The following TMEM132C variants were observed in gnomAD, a reference collection of about 807,000 sequenced individuals.
TMEM132C encodes the protein protein phosphatase 1, regulatory subunit 152.
TMEM132C carries 29 observed loss-of-function variants against 61.4 expected under a neutral mutation model. The observed-to-expected ratio is 0.47, with a 90% CI of 0.35 to 0.64. The LOEUF (loss-of-function observed/expected upper bound fraction) is 0.64. Ranked by LOEUF, TMEM132C falls within the 30% of genes least tolerant of loss-of-function variation. The pLI, the probability that TMEM132C is intolerant of heterozygous loss-of-function variation, is 0.00. For missense variants in TMEM132C, 1,408 were observed against 1,476.9 expected (o/e 0.95, Z 0.76); for synonymous variants, 656 against 633.1 (o/e 1.04, Z -0.54).
chr12:128,317,809 T>C (rs1278195342), intron 1 of TMEM132C, among the ~76,000 whole-genome samples: 1 of 152,198 alleles, frequency 6.6e-6, no homozygotes, highest in Non-Finnish European at 1.5e-5. Flanking sequence ...GGCTTGAACC[T>C]GGGAGGCAGA....
In TMEM132C at chr12:128,616,281, G is replaced by T; in HGVS notation, c.1251G>T (p.Val417=). 1 of 1,551,904 alleles carries T rather than the reference G, an allele frequency of 6.4e-7. No individual in the cohort carries two copies. Among genetic ancestry groups the T allele is most frequent in the Non-Finnish European group, 8.7e-7 (1 of 1,147,028 alleles). The part of the protein sequence containing the change: ...YPRKGTTDIA[V]SEIFVSQKDL... ...GGAAGGGGACCACAGACATCGCCGT[G>T]TCCGAGATCTTTGTCAGCCAGAAGG... The change falls in exon 4 of 9, where the codon GTG becomes GTT. Residue 417 remains valine, a synonymous_variant. Coordinates refer to ENST00000435159, the MANE Select transcript of TMEM132C (RefSeq NM_001136103.3).
intron 7 of TMEM132C, 98 bp downstream of exon 7, chr12:128,696,201 A>G (rs1160274654): frequency 1.4e-6 from 2 of 1,433,978 alleles, no homozygotes; most frequent in Non-Finnish European, 1.9e-6. Context: ...CGATTCCCCA[A>G]CCCATGTGTA....
chr12:128,395,573 A>C (rs1304357956), intron 1 of TMEM132C, among the ~76,000 whole-genome samples: 2 of 152,196 alleles, frequency 1.3e-5, no homozygotes, highest in East Asian at 3.9e-4. Flanking sequence ...CCTGCCTTAA[A>C]CGTGTTCAGA....
intron 1 of TMEM132C, among the ~76,000 whole-genome samples, chr12:128,315,016 A>C (rs1872102781): frequency 6.6e-6 from 1 of 152,236 alleles, no homozygotes; most frequent in South Asian, 2.1e-4. Flanking sequence ...GATTATTGAA[A>C]AACATTAAAG....
intron 2 of TMEM132C, among the ~76,000 whole-genome samples, chr12:128,459,002 T>C (rs1363264310): frequency 6.6e-6 from 1 of 152,146 alleles, no homozygotes. Flanking sequence ...AAATTGAGGG[T>C]AAATCATTGA....
chr12:128,469,255 CAG>C (rs1870849697), intron 2 of TMEM132C, among the ~76,000 whole-genome samples: 1 of 151,662 alleles, frequency 6.6e-6, no homozygotes. Flanking sequence ...TGATCATGCA[CAG>C]AGACACATTT....
intron 2 of TMEM132C, among the ~76,000 whole-genome samples, chr12:128,542,338 C>T (rs1232660749): frequency 6.6e-6 from 1 of 152,104 alleles, no homozygotes; most frequent in Non-Finnish European, 1.5e-5. Flanking sequence ...TGGAGCCTTG[C>T]TCTGTTGCCC....
chr12:128,682,111 G>T (rs1023830630), intron 5 of TMEM132C, among the ~76,000 whole-genome samples: 2 of 152,178 alleles, frequency 1.3e-5, no homozygotes, highest in Admixed American at 6.5e-5. Flanking sequence ...AATTGCTGTG[G>T]CTAGGAATGA....
chr12:128,476,337 A>C (rs889748487), intron 2 of TMEM132C, among the ~76,000 whole-genome samples: 14 of 152,232 alleles, frequency 9.2e-5, no homozygotes, highest in Non-Finnish European at 2.1e-4. Context: ...ACAGAGAGAA[A>C]GGCTGGGGAG....
At chr12:128,298,780 G>A (rs937506361) in intron 1 of TMEM132C, among the ~76,000 whole-genome samples, 2 of 152,214 alleles carry the variant, frequency 1.3e-5, no homozygotes, top group Non-Finnish European at 2.9e-5. Context: ...TGCCTTCTTT[G>A]GGGGAATGTT....
intron 6 of TMEM132C, among the ~76,000 whole-genome samples, chr12:128,695,005 G>T (rs1353789251): frequency 6.6e-6 from 1 of 152,164 alleles, no homozygotes; most frequent in African/African-American, 2.4e-5. Flanking sequence ...GCCTCATAGT[G>T]TTATGAGGTT....
At chr12:128,624,501 G>A in intron 4 of TMEM132C, among the ~76,000 whole-genome samples, 1 of 138,442 alleles carries the variant, frequency 7.2e-6, no homozygotes. Flanking sequence ...CCGAGATCGT[G>A]CCATTGCACT....
At chr12:128,394,573 C>G (rs959613522) in intron 1 of TMEM132C, among the ~76,000 whole-genome samples, 1 of 152,356 alleles carries the variant, frequency 6.6e-6, no homozygotes, top group African/African-American at 2.4e-5. Context: ...TTTCCTTCAG[C>G]CCAACATCTA....
chr12:128,321,375 A>C (rs1872328891), intron 1 of TMEM132C, among the ~76,000 whole-genome samples: 1 of 152,158 alleles, frequency 6.6e-6, no homozygotes, highest in Non-Finnish European at 1.5e-5. Context: ...CAAGAAGCCA[A>C]CGTCAGAAGG....
At chr12:128,539,081 G>A (rs11059749) in intron 2 of TMEM132C, among the ~76,000 whole-genome samples, 81,299 of 151,920 alleles carry the variant, frequency 0.54, 22,591 homozygotes, top group Middle Eastern at 0.61. Context: ...TGAACATCAT[G>A]TTTATTAAGA....
At chr12:128,682,224 C>G (rs943911782) in intron 5 of TMEM132C, among the ~76,000 whole-genome samples, 6 of 152,184 alleles carry the variant, frequency 3.9e-5, no homozygotes, top group African/African-American at 1.4e-4. Flanking sequence ...AGGGAAGACC[C>G]CCAAAGAAAC....
chr12:128,701,017 G>A (rs757989108), intron 8 of TMEM132C, among the ~76,000 whole-genome samples: 2 of 152,172 alleles, frequency 1.3e-5, no homozygotes, highest in African/African-American at 2.4e-5. Context: ...CTCAGCCGCC[G>A]CCAAGGGCAG....
At chr12:128,702,597 C>A (rs7968958) in intron 8 of TMEM132C, among the ~76,000 whole-genome samples, 63,385 of 151,924 alleles carry the variant, frequency 0.42, 14,206 homozygotes, top group Non-Finnish European at 0.51. Flanking sequence ...CCTCTTGAGC[C>A]CTGGTTGCTC....
In TMEM132C at chr12:128,414,886, G is replaced by A; in HGVS notation, c.240G>A (p.Arg80=). ...TGCGGAACTCCAGCCTGCAGGCGAG[G>A]GTGGAGTCCTTCTTTACCTACAAAA... ...DLLRNSSLQA[R]VESFFTYKTR... is the part of the protein sequence containing the mutation. Residue 80 remains arginine (R), a synonymous_variant, in exon 2 of 9, where the codon AGG becomes AGA. Coordinates refer to ENST00000435159, the MANE Select transcript of TMEM132C (RefSeq NM_001136103.3). 6.4e-7 allele frequency: 1 copy of A among 1,551,786 alleles called. No homozygotes were observed.
Sources: gnomAD v4.1 joint callset for allele counts (sites outside exome capture counted in the v4.1 genomes callset) on GRCh38, gnomAD v4.1.1 for gene constraint, MANE v1.5 for transcripts, NCBI Gene and HGNC (gene_info 2026-07-23, HGNC 2026-07-21) for gene names.